DLGAP1: variants seen among roughly 807,000 people sequenced by gnomAD.
DLGAP1 encodes disks large-associated protein 1.
Under a neutral mutation model 90.8 loss-of-function variants are expected in DLGAP1, and 11 were observed. The observed-to-expected ratio is 0.12, with a 90% confidence interval of 0.08 to 0.20. DLGAP1 has a LOEUF of 0.20. Ranked by LOEUF, DLGAP1 falls within the 10% of genes least tolerant of loss-of-function variation. DLGAP1 has a pLI of 1.00. For missense variants in DLGAP1, 1,050 were observed against 1,333.8 expected (o/e 0.79, Z 3.31); for synonymous variants, 558 against 540.7 (o/e 1.03, Z -0.44).
chr18:4,414,216 AATAAG>A (rs1189404513), intron 1 of DLGAP1, among the ~76,000 whole-genome samples: 1 of 152,362 alleles, frequency 6.6e-6, no homozygotes, highest in African/African-American at 2.4e-5. Flanking sequence ...GCATCAGGAA[AATAAG>A]ATAGAGAGAA....
chr18:3,770,959 C>T (rs1237149855), intron 5 of DLGAP1: 1 of 152,100 alleles, frequency 6.6e-6, no homozygotes, highest in Admixed American at 6.5e-5. Context: ...ATTTCTTATG[C>T]CTTGGGTGAA....
At chr18:3,874,821 C>T in intron 4 of DLGAP1, 1 of 1,366,478 alleles carries the variant, frequency 7.3e-7, no homozygotes, top group Non-Finnish European at 9.5e-7. Context: ...AAAAGGAGTC[C>T]CTTTTTTTAT....
intron 3 of DLGAP1, among the ~76,000 whole-genome samples, chr18:3,976,164 T>C (rs1330039840): frequency 6.7e-6 from 1 of 150,330 alleles, no homozygotes; most frequent in Non-Finnish European, 1.5e-5. Context: ...CTGACCAACA[T>C]GGAGAAACCC....
chr18:4,074,745 T>C (rs956343932), intron 2 of DLGAP1, among the ~76,000 whole-genome samples: 1 of 152,140 alleles, frequency 6.6e-6, no homozygotes, highest in Non-Finnish European at 1.5e-5. Context: ...AAACACAACA[T>C]GCAGTTTTCT....
intron 9 of DLGAP1, among the ~76,000 whole-genome samples, chr18:3,537,033 C>CA (rs1555672369): frequency 6.0e-5 from 9 of 150,028 alleles, no homozygotes; most frequent in Non-Finnish European, 1.3e-4. Flanking sequence ...CCCTGTATGT[C>CA]TTTTTTTTTT....
At chr18:3,722,382 T>C (rs565645891) in intron 7 of DLGAP1, 1 of 152,180 alleles carries the variant, frequency 6.6e-6, no homozygotes, top group Non-Finnish European at 1.5e-5. Context: ...CTACCTCGAG[T>C]GCCCCACAGA....
chr18:4,043,466 A>G (rs569752089), intron 2 of DLGAP1, among the ~76,000 whole-genome samples: 18 of 152,370 alleles, frequency 1.2e-4, no homozygotes, highest in African/African-American at 3.8e-4. Flanking sequence ...TGTTATATTT[A>G]GCTCAGCCAA....
intron 2 of DLGAP1, among the ~76,000 whole-genome samples, chr18:4,077,984 G>A (rs1030590979): frequency 5.3e-5 from 8 of 152,174 alleles, no homozygotes; most frequent in African/African-American, 1.9e-4. Context: ...GAAGCCTCTG[G>A]TGGAATATGG....
chr18:4,152,542 A>G (rs953789993), intron 1 of DLGAP1, among the ~76,000 whole-genome samples: 5 of 152,214 alleles, frequency 3.3e-5, no homozygotes, highest in African/African-American at 1.2e-4. Context: ...CAAAAAGAAC[A>G]CTGGACTTTC....
chr18:4,450,519 G>A (rs1162546125), intron 1 of DLGAP1, among the ~76,000 whole-genome samples: 1 of 152,192 alleles, frequency 6.6e-6, no homozygotes, highest in African/African-American at 2.4e-5. Context: ...ATGTCTCTGA[G>A]CCCTCCTAGT....
chr18:4,177,351 A>AACACACACACACAC (rs34299932), intron 1 of DLGAP1, among the ~76,000 whole-genome samples: 5 of 141,662 alleles, frequency 3.5e-5, no homozygotes, highest in African/African-American at 1.3e-4. Flanking sequence ...ACTTTCTTTG[A>AACACACACACACAC]ACACACACAC....
intron 1 of DLGAP1, among the ~76,000 whole-genome samples, chr18:4,423,693 C>T (rs1165942995): frequency 1.3e-5 from 2 of 151,848 alleles, no homozygotes; most frequent in Admixed American, 6.6e-5. Flanking sequence ...CTAACACATA[C>T]CTAATTATGA....
At chr18:3,886,614 T>C (rs530755942) in intron 3 of DLGAP1, among the ~76,000 whole-genome samples, 1 of 152,244 alleles carries the variant, frequency 6.6e-6, no homozygotes, top group South Asian at 2.1e-4. Flanking sequence ...AGCCTCTAAA[T>C]GATCATCCTT....
intron 2 of DLGAP1, among the ~76,000 whole-genome samples, chr18:4,054,567 G>T (rs1382609662): frequency 6.6e-6 from 1 of 152,190 alleles, no homozygotes; most frequent in Non-Finnish European, 1.5e-5. Flanking sequence ...ACACGTTGGT[G>T]TAAGTATTAA....
At chr18:3,664,584 T>C (rs1453555431) in intron 7 of DLGAP1, among the ~76,000 whole-genome samples, 1 of 152,114 alleles carries the variant, frequency 6.6e-6, no homozygotes. Context: ...TAATGAGGAT[T>C]TTCTCAGGGA....
intron 10 of DLGAP1, among the ~76,000 whole-genome samples, chr18:3,525,100 A>AC (rs2051523792): frequency 7.2e-6 from 1 of 139,388 alleles, no homozygotes; most frequent in African/African-American, 2.6e-5. Context: ...GAAAAAAAAA[A>AC]AAATCAACAA....
chr18:4,111,909 C>T lies in DLGAP1; in HGVS notation c.-159+39271G>A, dbSNP rs531903047. Among the ~76,000 whole-genome samples, 6 of 150,794 alleles carry T rather than the reference C, an allele frequency of 4.0e-5. No homozygotes were observed. The East Asian group carries it at 1.2e-3, about 29-fold the overall frequency. On this transcript the variant is annotated intron_variant, in intron 2 of 12. Coordinates refer to ENST00000315677, the MANE Select transcript of DLGAP1 (RefSeq NM_004746.4). ...TAAATTTTTTGTTTTATTGATTTTTCTCTTTTGTTTTTGTTTTTTATTTAT... is the reference window on the plus strand; with the variant it reads ...TAAATTTTTTGTTTTATTGATTTTTTTCTTTTGTTTTTGTTTTTTATTTAT...
At chr18:3,993,571 G>A (rs1291301644) in intron 3 of DLGAP1, among the ~76,000 whole-genome samples, 1 of 152,096 alleles carries the variant, frequency 6.6e-6, no homozygotes, top group African/African-American at 2.4e-5. Context: ...GTGACAACGC[G>A]TTTTGCATTT....
At chr18:3,870,612 CTATCT>C (rs895209616) in intron 4 of DLGAP1, among the ~76,000 whole-genome samples, 4 of 109,624 alleles carry the variant, frequency 3.6e-5, no homozygotes, top group South Asian at 3.0e-4. Context: ...ATACATCTAT[CTATCT>C]ATCTATCTAT....
Sources: allele counts gnomAD v4.1 joint callset (sites outside exome capture counted in the v4.1 genomes callset), GRCh38; gene constraint gnomAD v4.1.1; transcripts MANE v1.5; gene names NCBI Gene and HGNC (gene_info 2026-07-23, HGNC 2026-07-21).